ZGPAT: variants seen among roughly 807,000 people sequenced by gnomAD.
ZGPAT encodes zinc finger CCCH-type and G-patch domain containing.
In ZGPAT, 39 loss-of-function variants were observed where a neutral mutation model predicts 47.9. That is an observed-to-expected ratio of 0.81 (90% confidence interval 0.63 to 1.06). The LOEUF is 1.06. ZGPAT is among the 50% of genes least tolerant of loss of function. The pLI, the probability that ZGPAT is intolerant of heterozygous loss-of-function variation, is 0.00. For synonymous variants in ZGPAT, 348 were observed against 292.9 expected (o/e 1.19, Z -1.92); for missense variants, 717 against 681.4 (o/e 1.05, Z -0.58).
chr20:63,718,254 T>A (rs575944663), intron 2 of ZGPAT, among the ~76,000 whole-genome samples: 1 of 152,288 alleles, frequency 6.6e-6, no homozygotes, highest in South Asian at 2.1e-4. Context: ...CTCCCTTTTG[T>A]TTTTTTGTTC....
chr20:63,710,788 T>C (rs905216447), intron 2 of ZGPAT, among the ~76,000 whole-genome samples: 12 of 152,228 alleles, frequency 7.9e-5, no homozygotes, highest in African/African-American at 2.9e-4. Context: ...AAGAGTAACT[T>C]CTGTGTCATA....
intron 2 of ZGPAT, among the ~76,000 whole-genome samples, chr20:63,730,922 TTCTC>T (rs33915732): frequency 0.034 from 4,191 of 124,340 alleles, 93 homozygotes; most frequent in Non-Finnish European, 0.047. Flanking sequence ...TTCCTCTTCA[TTCTC>T]TCTCTCTCTC....
chr20:63,712,621 T>C (rs1442274288), intron 2 of ZGPAT, among the ~76,000 whole-genome samples: 1 of 152,100 alleles, frequency 6.6e-6, no homozygotes, highest in African/African-American at 2.4e-5. Flanking sequence ...TCTGGCTGGG[T>C]GTGGTGGCTG....
rs987878223 is a variant in ZGPAT at position 63,735,182 on chromosome 20, C to T, written c.1015C>T (p.Arg339Trp). ...GKGLGRHAEG[R>W]VEPIHAVVLP... is the part of the protein sequence containing the mutation. ...AGGTTTGGGCCGACACGCGGAAGGC[C>T]GGGTGGAGCCCATCCATGCTGTGGT... The change falls in exon 6 of 7, where the codon CGG (arginine) becomes TGG (tryptophan). Residue 339 changes from arginine (R) to tryptophan (W), a missense_variant. Transcript: ENST00000355969. 1.2e-5 allele frequency: 19 copies of T among 1,524,698 alleles called. No individual in the cohort carries two copies. Among genetic ancestry groups the T allele is most frequent in the Admixed American group, 2.2e-5 (1 of 46,000 alleles). The allele number at this position is 1,524,698 out of a possible 1,614,324, so 94.4% of individuals were successfully genotyped here. A position where few individuals can be genotyped will look rare whatever the true frequency, so the allele number is the denominator to read the frequency against.
chr20:63,716,728 G>C (rs2091732988), intron 2 of ZGPAT, among the ~76,000 whole-genome samples: 1 of 152,018 alleles, frequency 6.6e-6, no homozygotes, highest in Non-Finnish European at 1.5e-5. Context: ...TGTCTCCCAG[G>C]CTGGAGTGCA....
chr20:63,718,439 C>T (rs915409842), intron 2 of ZGPAT, among the ~76,000 whole-genome samples: 4 of 151,708 alleles, frequency 2.6e-5, no homozygotes, highest in Middle Eastern at 3.4e-3. Flanking sequence ...TTCAAGTGAT[C>T]CTCCCACCTC....
intron 2 of ZGPAT, among the ~76,000 whole-genome samples, chr20:63,723,964 G>C (rs2091817178): frequency 6.6e-6 from 1 of 152,096 alleles, no homozygotes; most frequent in Admixed American, 6.6e-5. Flanking sequence ...CCAGCTATTT[G>C]GGGGAGGATC....
At chr20:63,735,641 T>C in intron 6 of ZGPAT, 77 bp downstream of exon 6, 1 of 1,494,844 alleles carries the variant, frequency 6.7e-7, no homozygotes, top group Non-Finnish European at 8.9e-7. Context: ...GGAGGTCACC[T>C]GACCCAAGCA....
chr20:63,717,936 A>G (rs1223308097), intron 2 of ZGPAT, among the ~76,000 whole-genome samples: 5 of 152,036 alleles, frequency 3.3e-5, no homozygotes, highest in Non-Finnish European at 7.4e-5. Context: ...CCAGCTACTC[A>G]GGAGGCTGAG....
intron 2 of ZGPAT, among the ~76,000 whole-genome samples, chr20:63,718,609 C>G (rs1324711876): frequency 6.7e-6 from 1 of 149,366 alleles, no homozygotes; most frequent in Non-Finnish European, 1.5e-5. Context: ...GCGTGAAACA[C>G]CATGCCCAGC....
chr20:63,725,690 A>C (rs2091837925), intron 2 of ZGPAT, among the ~76,000 whole-genome samples: 3 of 146,928 alleles, frequency 2.0e-5, no homozygotes, highest in South Asian at 4.2e-4. Context: ...CATTTCAACA[A>C]ATTTTTTTCC....
chr20:63,716,043 TTGAG>T (rs2091725153), intron 2 of ZGPAT, among the ~76,000 whole-genome samples: 1 of 152,230 alleles, frequency 6.6e-6, no homozygotes, highest in Admixed American at 6.5e-5. Context: ...CTGTTTCTTC[TTGAG>T]TCAGTTTGGT....
At chr20:63,714,524 CTT>C (rs1384781599) in intron 2 of ZGPAT, among the ~76,000 whole-genome samples, 2 of 150,698 alleles carry the variant, frequency 1.3e-5, no homozygotes, top group Admixed American at 6.6e-5. Flanking sequence ...AGGTGGAAAA[CTT>C]TTAGTCTTTC....
intron 4 of ZGPAT, 64 bp from the exon 5 acceptor site, chr20:63,734,641 G>C: frequency 6.3e-7 from 1 of 1,595,170 alleles, no homozygotes; most frequent in Non-Finnish European, 8.5e-7. Context: ...TCCATCTCTT[G>C]CAGTGGTGGG....
intron 2 of ZGPAT, among the ~76,000 whole-genome samples, chr20:63,722,016 GAAAA>G (rs11320808): frequency 1.7e-4 from 24 of 140,912 alleles, no homozygotes; most frequent in African/African-American, 6.1e-4. Context: ...CCATCTCGGG[GAAAA>G]AAAAAAAAAA....
intron 1 of ZGPAT, 66 bp from the exon 2 acceptor site, chr20:63,708,487 G>T: frequency 8.2e-7 from 1 of 1,220,244 alleles, no homozygotes; most frequent in Non-Finnish European, 1.1e-6. Flanking sequence ...GCCCGTGCCC[G>T]TGCCCGCCCT....
At chr20:63,725,777 T>C (rs2091838694) in intron 2 of ZGPAT, among the ~76,000 whole-genome samples, 1 of 151,518 alleles carries the variant, frequency 6.6e-6, no homozygotes, top group African/African-American at 2.4e-5. Context: ...TTTTTTTTTT[T>C]TTCCAACCTT....
At chr20:63,724,363 T>TAAAAAAAAAAAA (rs59890523) in intron 2 of ZGPAT, among the ~76,000 whole-genome samples, 2 of 124,620 alleles carry the variant, frequency 1.6e-5, no homozygotes, top group Non-Finnish European at 3.3e-5. Flanking sequence ...AGACTCTGCC[T>TAAAAAAAAAAAA]AAAAAAAAAA....
rs770154450 is a variant in ZGPAT at position 63,733,191 on chromosome 20, G to C, written c.585-28G>C. ...TTTGCCCCTGGTGGCCCATGTCTGA[G>C]CCCTGCCCCTTACGGCTCTGTCTGC... is the stretch of plus-strand genomic sequence containing the variant. On this transcript the variant is annotated intron_variant, in intron 2 of 6. Coordinates refer to ENST00000355969, the MANE Select transcript of ZGPAT (RefSeq NM_181485.3). The C allele has an allele frequency of 3.7e-6, 6 of 1,607,642 alleles. 1 individual carries two copies. The South Asian group carries it at 6.6e-5, about 18-fold the overall frequency.
Sources: gnomAD v4.1 joint callset for allele counts (sites outside exome capture counted in the v4.1 genomes callset) on GRCh38, gnomAD v4.1.1 for gene constraint, MANE v1.5 for transcripts, NCBI Gene and HGNC (gene_info 2026-07-23, HGNC 2026-07-21) for gene names.